The following NAALADL2 variants were observed in gnomAD, a reference collection of about 807,000 sequenced individuals.
The protein encoded by NAALADL2 is inactive N-acetylated-alpha-linked acidic dipeptidase-like protein 2.
In NAALADL2, 76 loss-of-function variants were observed where a neutral mutation model predicts 87.2. The observed-to-expected ratio is 0.87, with a 90% confidence interval of 0.72 to 1.05. The LOEUF (loss-of-function observed/expected upper bound fraction) is 1.05. NAALADL2 is among the 50% of genes least tolerant of loss of function. NAALADL2 has a pLI of 0.00. For synonymous variants in NAALADL2, 354 were observed against 331.0 expected (o/e 1.07, Z -0.75); for missense variants, 1,089 against 945.8 (o/e 1.15, Z -1.99).
rs557791272 is a variant in NAALADL2 at position 175,007,746 on chromosome 3, A to T, written c.44-89044A>T. ...TTCTTTATAGGTACATACCTACAAA[A>T]ATATTTAATTTATACTACGAAAAGG... On this transcript the variant is annotated intron_variant, in intron 1 of 13. Coordinates refer to ENST00000454872, the MANE Select transcript of NAALADL2 (RefSeq NM_207015.3). Among the ~76,000 whole-genome samples, 3 of 152,300 alleles carry T rather than the reference A, an allele frequency of 2.0e-5. No individual in the cohort carries two copies. The South Asian group carries it at 6.2e-4, about 32-fold the overall frequency.
At chr3:175,366,829 A>G (rs988019348) in intron 5 of NAALADL2, among the ~76,000 whole-genome samples, 19 of 151,824 alleles carry the variant, frequency 1.3e-4, no homozygotes, top group African/African-American at 4.1e-4. Context: ...CTCTGTTGGT[A>G]GTTTCTTTTG....
intron 2 of NAALADL2, among the ~76,000 whole-genome samples, chr3:174,560,450 C>T (rs187016810): frequency 2.8e-4 from 43 of 152,298 alleles, no homozygotes; most frequent in African/African-American, 9.1e-4. Flanking sequence ...TTGTTTTAGT[C>T]ACTCAACAGA....
chr3:175,435,868 A>G (rs1232355185), intron 5 of NAALADL2, among the ~76,000 whole-genome samples: 2 of 138,518 alleles, frequency 1.4e-5, no homozygotes, highest in Non-Finnish European at 3.1e-5. Flanking sequence ...TTTTTTTTAT[A>G]CTTTAAGTTT....
chr3:175,787,368 C>T (rs1057228954), intron 13 of NAALADL2, among the ~76,000 whole-genome samples: 8 of 152,268 alleles, frequency 5.3e-5, no homozygotes, highest in Non-Finnish European at 7.4e-5. Context: ...AGTGAGACTC[C>T]GTGGGCGTAG....
intron 2 of NAALADL2, among the ~76,000 whole-genome samples, chr3:174,646,919 G>A (rs1029467488): frequency 3.9e-5 from 6 of 152,096 alleles, no homozygotes; most frequent in Non-Finnish European, 7.4e-5. Flanking sequence ...CAAGTCTGAC[G>A]ACATATTCTC....
chr3:175,799,477 A>C (rs1328362490), intron 13 of NAALADL2, among the ~76,000 whole-genome samples: 1 of 152,022 alleles, frequency 6.6e-6, no homozygotes, highest in Non-Finnish European at 1.5e-5. Context: ...TATGAATGTA[A>C]ATATGTTTGA....
chr3:175,000,201 GT>G (rs1205649601), intron 1 of NAALADL2, among the ~76,000 whole-genome samples: 10 of 152,080 alleles, frequency 6.6e-5, no homozygotes, highest in African/African-American at 2.2e-4. Flanking sequence ...CATGATTCTT[GT>G]CCTTGAGGAA....
chr3:175,804,599 T>C lies in NAALADL2; in HGVS notation c.*1396T>C, dbSNP rs1754542923. The C allele has an allele frequency of 6.6e-6, 1 of 151,808 alleles. No homozygotes were observed. Among genetic ancestry groups the C allele is most frequent in the Admixed American group, 6.6e-5 (1 of 15,174 alleles). The allele number at this position is 151,808 out of a possible 1,614,324, so 9.4% of individuals were successfully genotyped here. On this transcript the variant is annotated 3_prime_UTR_variant, in exon 14 of 14. Transcript: ENST00000454872. ...AGCCTCAGAGTATTTCATATAAATT[T>C]TCTCTATCTAATTCAAACATATCTC...
At position 175,112,949 on chromosome 3, in the gene NAALADL2, C is replaced by T. The variant is rs1294377595; in HGVS notation, c.545+15658C>T. On this transcript the variant is annotated intron_variant, in intron 2 of 13. Transcript: ENST00000454872. Reference sequence around the variant, plus strand: ...ATTAATATATAGATATGAGACATGACTTCAGGAAAGGTTGAACAAAGACAT... The same window carrying T: ...ATTAATATATAGATATGAGACATGATTTCAGGAAAGGTTGAACAAAGACAT... Among the ~76,000 whole-genome samples the T allele has an allele frequency of 2.6e-5, 4 of 151,582 alleles. No individual in the cohort carries two copies. The Admixed American group carries it at 2.6e-4, about 10-fold the overall frequency.
At chr3:174,640,454 A>AGT (rs60675602) in intron 2 of NAALADL2, among the ~76,000 whole-genome samples, 1 of 151,848 alleles carries the variant, frequency 6.6e-6, no homozygotes, top group Non-Finnish European at 1.5e-5. Flanking sequence ...AAGATTGATC[A>AGT]GTGTGTGTGT....
chr3:175,779,987 G>A (rs1750793047), intron 13 of NAALADL2, among the ~76,000 whole-genome samples: 1 of 152,028 alleles, frequency 6.6e-6, no homozygotes, highest in South Asian at 2.1e-4. Context: ...AAATAGTCAG[G>A]GCCGGGCGCG....
At chr3:174,463,599 C>CTTTT (rs57673935) in intron 1 of NAALADL2, among the ~76,000 whole-genome samples, 10 of 121,492 alleles carry the variant, frequency 8.2e-5, no homozygotes, top group Non-Finnish European at 1.2e-4. Flanking sequence ...TAAAGATTAT[C>CTTTT]TTTTTTTTTT....
chr3:175,639,928 C>T (rs1428923991), intron 11 of NAALADL2, among the ~76,000 whole-genome samples: 3 of 152,068 alleles, frequency 2.0e-5, no homozygotes, highest in Non-Finnish European at 1.5e-5. Context: ...GGTAGGAAGA[C>T]AGTTGGATAT....
At chr3:175,643,289 T>C (rs1305797196) in intron 11 of NAALADL2, among the ~76,000 whole-genome samples, 1 of 152,236 alleles carries the variant, frequency 6.6e-6, no homozygotes. Flanking sequence ...GATGGGCATT[T>C]ATTGTTTCCA....
At chr3:175,117,807 T>C (rs9870593) in intron 2 of NAALADL2, among the ~76,000 whole-genome samples, 92,086 of 151,872 alleles carry the variant, frequency 0.61, 28,446 homozygotes, top group African/African-American at 0.74. Flanking sequence ...CTATAAGACA[T>C]GTGCACACGT....
At chr3:174,594,322 C>T (rs1717669322) in intron 2 of NAALADL2, among the ~76,000 whole-genome samples, 1 of 152,122 alleles carries the variant, frequency 6.6e-6, no homozygotes, top group African/African-American at 2.4e-5. Flanking sequence ...AATGTGTTTT[C>T]ATGCCGATTT....
intron 1 of NAALADL2, among the ~76,000 whole-genome samples, chr3:174,934,959 G>A (rs1045043502): frequency 1.3e-5 from 2 of 151,762 alleles, no homozygotes; most frequent in Non-Finnish European, 2.9e-5. Context: ...TATGCATTTT[G>A]TAAAAATACT....
intron 2 of NAALADL2, among the ~76,000 whole-genome samples, chr3:174,623,991 T>C (rs944447414): frequency 1.3e-5 from 2 of 152,130 alleles, no homozygotes; most frequent in African/African-American, 4.8e-5. Context: ...ATAATGAAAA[T>C]TAGAATGAAA....
chr3:175,274,187 G>A (rs867892075), intron 4 of NAALADL2, among the ~76,000 whole-genome samples: 11 of 152,136 alleles, frequency 7.2e-5, no homozygotes, highest in South Asian at 2.1e-4. Context: ...TGTGGCAGCA[G>A]GCAAGAAGGT....
Sources: allele counts gnomAD v4.1 joint callset (sites outside exome capture counted in the v4.1 genomes callset), GRCh38; gene constraint gnomAD v4.1.1; transcripts MANE v1.5; gene names NCBI Gene and HGNC (gene_info 2026-07-23, HGNC 2026-07-21).